The following TIPRL variants were observed in gnomAD, a reference collection of about 807,000 sequenced individuals.
The protein encoded by TIPRL is TOR signaling pathway regulator, also known as TIP41-like protein.
Under a neutral mutation model 32.3 loss-of-function variants are expected in TIPRL, and 10 were observed. The observed-to-expected ratio is 0.31, with a 90% confidence interval of 0.19 to 0.52. TIPRL has a LOEUF of 0.52. TIPRL is among the 20% of genes least tolerant of loss of function. The probability of loss-of-function intolerance (pLI) is 0.96; values close to 1 mark genes in which losing one functional copy is unlikely to be tolerated. For missense variants in TIPRL, 250 were observed against 328.1 expected (o/e 0.76, Z 1.84); for synonymous variants, 100 against 114.0 (o/e 0.88, Z 0.78).
At chr1:168,195,873 A>AT (rs1421576879) in intron 4 of TIPRL, among the ~76,000 whole-genome samples, 1 of 152,098 alleles carries the variant, frequency 6.6e-6, no homozygotes, top group African/African-American at 2.4e-5. Context: ...CATGCCAGCT[A>AT]AACATATTCA....
In TIPRL at chr1:168,184,012, C is replaced by A. The variant is rs760294386; in HGVS notation, c.215C>A (p.Ala72Glu). 6.2e-7 allele frequency: 1 copy of A among 1,613,972 alleles called. No individual in the cohort carries two copies. The highest frequency in any genetic ancestry group is 8.5e-7 in the Non-Finnish European group (1 of 1,179,924). ...GGAATTGAGTTCAATGCTACAGATG[C>A]GTTAAGATGTGTAAACAACTACCAA... is the stretch of plus-strand genomic sequence containing the variant. ...GFGIEFNATD[A>E]LRCVNNYQGM... is the part of the protein sequence containing the mutation. The change falls in exon 2 of 7, where the codon GCG (alanine) becomes GAG (glutamate). Residue 72 changes from alanine (A) to glutamate (E), a missense_variant. Ala to Glu is a moderately radical substitution (Grantham distance 107, BLOSUM62 -1). Coordinates refer to ENST00000367833, the MANE Select transcript of TIPRL (RefSeq NM_152902.5).
intron 4 of TIPRL, among the ~76,000 whole-genome samples, chr1:168,191,858 C>CGAA (rs1558164787): frequency 1.0e-4 from 4 of 38,898 alleles, no homozygotes; most frequent in Admixed American, 3.1e-4. Context: ...GGCGACAGAG[C>CGAA]AAAAAAAAAA....
chr1:168,190,122 A>G (rs1225495448), intron 3 of TIPRL, among the ~76,000 whole-genome samples: 2 of 152,206 alleles, frequency 1.3e-5, no homozygotes, highest in Non-Finnish European at 2.9e-5. Flanking sequence ...TGGCAGACCA[A>G]CTTTTGTTTA....
chr1:168,190,833 T>G lies in TIPRL; in HGVS notation c.385-536T>G, dbSNP rs771240946. Among the ~76,000 whole-genome samples the G allele has an allele frequency of 1.2e-4, 19 of 152,230 alleles. 1 individual carries two copies. Among genetic ancestry groups the G allele is most frequent in the Non-Finnish European group, 2.2e-4 (15 of 68,034 alleles). ...ATTGCCAACTTCATTCAAAGCTCTT[T>G]GCAATGCTAAGAGTTTCCCTCAGAA... On this transcript the variant is annotated intron_variant, in intron 3 of 6. Transcript: ENST00000367833.
At chr1:168,194,020 C>T (rs1358533825) in intron 4 of TIPRL, among the ~76,000 whole-genome samples, 4 of 152,138 alleles carry the variant, frequency 2.6e-5, no homozygotes, top group Non-Finnish European at 4.4e-5. Context: ...TGACTCTTAA[C>T]ACAATTTTCC....
intron 5 of TIPRL, 122 bp from the exon 6 acceptor site, chr1:168,198,797 C>A: frequency 1.3e-6 from 1 of 771,750 alleles, no homozygotes; most frequent in Non-Finnish European, 2.1e-6. Context: ...ACAAGATGTT[C>A]TCTTTAGACT....
At chr1:168,183,414 G>A (rs74928391) in intron 1 of TIPRL, among the ~76,000 whole-genome samples, 5,268 of 130,690 alleles carry the variant, frequency 0.04, 146 homozygotes, top group African/African-American at 0.09. Flanking sequence ...GCCCCAGGGT[G>A]AAATGTAAAT....
chr1:168,193,603 T>C (rs1700123308), intron 4 of TIPRL, among the ~76,000 whole-genome samples: 1 of 152,220 alleles, frequency 6.6e-6, no homozygotes, highest in South Asian at 2.1e-4. Context: ...ATATATATCA[T>C]GTCTATAAGT....
chr1:168,194,268 C>T (rs1700128543), intron 4 of TIPRL, among the ~76,000 whole-genome samples: 1 of 152,136 alleles, frequency 6.6e-6, no homozygotes, highest in Admixed American at 6.6e-5. Flanking sequence ...ATAGGATTGT[C>T]CTGTGCATCC....
chr1:168,179,005 C>T lies in TIPRL; in HGVS notation c.-73C>T, dbSNP rs1239949144. On this transcript the variant is annotated 5_prime_UTR_variant, in exon 1 of 7. Transcript: ENST00000367833. ...CCTAGGAGGCTGGGCCGGAGGGAGG[C>T]GGAGGAACCGGTGTTCGCCGCCGCC... 3.7e-6 allele frequency: 5 copies of T among 1,357,910 alleles called. No individual in the cohort carries two copies. Among genetic ancestry groups the T allele is most frequent in the South Asian group, 2.6e-5 (2 of 76,510 alleles). 84.1% of individuals were successfully genotyped at this position (1,357,910 alleles called of 1,614,324 possible).
chr1:168,179,168 G>A lies in TIPRL; in HGVS notation c.91G>A (p.Ala31Thr), dbSNP rs371476972. Residue 31 changes from alanine (A) to threonine (T), a missense_variant, in exon 1 of 7, where the codon GCG becomes ACG. Physicochemically the swap from Ala to Thr is moderately conservative, Grantham distance 58. Transcript: ENST00000367833. Reference protein sequence around the residue: ...TASKTHIMKSADVEKLADELH... With the variant: ...TASKTHIMKSTDVEKLADELH... ...GTCCAAGACCCACATCATGAAGTCGGCGGATGTGGAGAAGTGAGGCTTCGG... is the reference window on the plus strand; with the variant it reads ...GTCCAAGACCCACATCATGAAGTCGACGGATGTGGAGAAGTGAGGCTTCGG... 4 of 1,614,070 alleles carry A rather than the reference G, an allele frequency of 2.5e-6. No homozygotes were observed. In the South Asian group the frequency reaches 3.3e-5, roughly 13 times the overall value.
chr1:168,191,345 C>T (rs902917301), intron 3 of TIPRL, 24 bp from the exon 4 acceptor site: 7 of 1,510,570 alleles, frequency 4.6e-6, no homozygotes, highest in African/African-American at 2.9e-5. Flanking sequence ...TTAATGTGCT[C>T]CTCTTTAAAA....
intron 4 of TIPRL, among the ~76,000 whole-genome samples, chr1:168,192,747 G>A (rs1229740988): frequency 2.6e-5 from 4 of 152,138 alleles, no homozygotes; most frequent in Admixed American, 6.5e-5. Context: ...TTAGCTGGGC[G>A]CAGTGGCGGG....
At chr1:168,188,893 A>G in intron 3 of TIPRL, among the ~76,000 whole-genome samples, 1 of 152,158 alleles carries the variant, frequency 6.6e-6, no homozygotes, top group Middle Eastern at 3.4e-3. Flanking sequence ...AGGCACAAGA[A>G]TTGGTTGAAC....
Position 168,199,877 on chromosome 1 carries a change from G to A in TIPRL, c.676-26G>A, listed in dbSNP as rs773343544. 7 of 1,602,240 alleles carry A rather than the reference G, an allele frequency of 4.4e-6. No homozygotes were observed. In the Admixed American group the frequency reaches 1.0e-4, roughly 24 times the overall value. On this transcript the variant is annotated intron_variant, in intron 6 of 6. Coordinates refer to ENST00000367833, the MANE Select transcript of TIPRL (RefSeq NM_152902.5). ...AAATTTCAGTACAGTAACTGAATAT[G>A]CTAATATGATTTATGTATTTCCTAG...
intron 4 of TIPRL, among the ~76,000 whole-genome samples, chr1:168,192,718 C>T (rs1700113393): frequency 6.6e-6 from 1 of 152,108 alleles, no homozygotes; most frequent in African/African-American, 2.4e-5. Flanking sequence ...AACCCCGTCT[C>T]TACTAAAAAT....
intron 4 of TIPRL, among the ~76,000 whole-genome samples, chr1:168,194,339 C>A (rs1010704774): frequency 6.6e-6 from 1 of 152,090 alleles, no homozygotes; most frequent in East Asian, 1.9e-4. Flanking sequence ...ATTGATGTGA[C>A]AAGAAAAAGT....
At chr1:168,196,747 A>T (rs1218791076) in intron 5 of TIPRL, 105 bp downstream of exon 5, 2 of 684,202 alleles carry the variant, frequency 2.9e-6, no homozygotes, top group Non-Finnish European at 4.5e-6. Flanking sequence ...ATTATATGGC[A>T]GTCTTTCTAA....
chr1:168,201,087 A>G lies in TIPRL; in HGVS notation c.*1041A>G, dbSNP rs1191783249. The G allele has an allele frequency of 6.6e-6, 1 of 152,160 alleles. No homozygotes were observed. The highest frequency in any genetic ancestry group is 2.4e-5 in the African/African-American group (1 of 41,448). 9.4% of individuals were successfully genotyped at this position (152,160 alleles called of 1,614,324 possible). ...GGAGTACAGAAAATACACAGAAGTA[A>G]ATTTCAAATCCATTTGATTGTTTTC... On this transcript the variant is annotated 3_prime_UTR_variant, in exon 7 of 7. Coordinates refer to ENST00000367833, the MANE Select transcript of TIPRL (RefSeq NM_152902.5).
Sources: gnomAD v4.1 joint callset for allele counts (sites outside exome capture counted in the v4.1 genomes callset) on GRCh38, gnomAD v4.1.1 for gene constraint, MANE v1.5 for transcripts, NCBI Gene and HGNC (gene_info 2026-07-23, HGNC 2026-07-21) for gene names.